SYCE1: variants seen among roughly 807,000 people sequenced by gnomAD.
SYCE1 encodes the protein synaptonemal complex central element protein 1.
Under a neutral mutation model 55.1 loss-of-function variants are expected in SYCE1, and 37 were observed. The observed-to-expected ratio is 0.67, with a 90% CI of 0.52 to 0.88. SYCE1 has a LOEUF of 0.88. Among genes scored for constraint, SYCE1 ranks in the 40% least tolerant of loss-of-function variants. The pLI is 0.00. For synonymous variants in SYCE1, 163 were observed against 159.4 expected, an observed-to-expected ratio of 1.02 and a Z score of -0.17; for missense variants, 399 against 416.4, an observed-to-expected ratio of 0.96 and a Z score of 0.36.
intron 12 of SYCE1, 36 bp downstream of exon 12, chr10:133,555,315 T>C (rs1383856237): frequency 6.2e-7 from 1 of 1,612,060 alleles, no homozygotes. Flanking sequence ...CTTCAGTAGC[T>C]GTTTCTGTTC....
intron 2 of SYCE1, 58 bp from the exon 3 acceptor site, chr10:133,559,418 G>A (rs1173450379): frequency 2.6e-6 from 4 of 1,537,414 alleles, no homozygotes; most frequent in Non-Finnish European, 3.6e-6. Context: ...GCGGTTGCCA[G>A]CCTTGTGTCT....
Position 133,558,193 on chromosome 10 carries a change from A to C in SYCE1, c.293T>G (p.Leu98Arg). 1 of 1,614,202 alleles carries C rather than the reference A, an allele frequency of 6.2e-7. No individual in the cohort carries two copies. The highest frequency in any genetic ancestry group is 1.6e-4 in the Middle Eastern group (1 of 6,062). ...TTGTTTTTTGCTCAAGATCTCCTTC[A>C]GGTGTACTTTCTCTCCATGCACTAG... ...LDSLHGEKVH[L>R]KEILSKKQET... Residue 98 changes from leucine to arginine, a missense_variant, in exon 5 of 13, where the codon CTG becomes CGG. Leu to Arg is a moderately radical substitution (Grantham distance 102, BLOSUM62 -2). Transcript: ENST00000343131.
intron 1 of SYCE1, among the ~76,000 whole-genome samples, chr10:133,562,995 T>C (rs1021024487): frequency 2.6e-5 from 4 of 152,192 alleles, no homozygotes; most frequent in African/African-American, 9.6e-5. Flanking sequence ...CGAGGCACGG[T>C]TGAGAAGGCT....
At chr10:133,567,982 C>A (rs1463310203), upstream of SYCE1, 2 of 590,470 alleles carry the variant, frequency 3.4e-6, no homozygotes, top group Non-Finnish European at 6.4e-6. Flanking sequence ...GCTCCTGCAC[C>A]CACTGGGGCT....
At chr10:133,565,770 G>A (rs1370857473), upstream of SYCE1, among the ~76,000 whole-genome samples, 1 of 152,274 alleles carries the variant, frequency 6.6e-6, no homozygotes, top group Middle Eastern at 3.2e-3. Context: ...CCAGGCTTGC[G>A]ATTGGCCCGC....
In SYCE1 at chr10:133,557,072, C is replaced by A. The variant is rs1217044039; in HGVS notation, c.459G>T (p.Gln153His). 3.4e-5 allele frequency: 55 copies of A among 1,613,926 alleles called. No individual in the cohort carries two copies. The highest frequency in any genetic ancestry group is 4.4e-5 in the Non-Finnish European group (52 of 1,179,930). ...CCTCAGATGCTAAGGTTTACCTCAG[C>A]TGTCTCTGTTTGTTCTTCTCTTCTT... ...QIEEEKNKQR[Q>H]LRLAFEEQLE... Residue 153 changes from glutamine to histidine, a missense_variant, in exon 7 of 13, where the codon CAG becomes CAT. Physicochemically the swap from Gln to His is conservative, Grantham distance 24. Coordinates refer to ENST00000343131, the MANE Select transcript of SYCE1 (RefSeq NM_001143764.3).
At chr10:133,559,781 C>A in intron 2 of SYCE1, 1 of 430,742 alleles carries the variant, frequency 2.3e-6, no homozygotes, top group South Asian at 2.5e-5. Context: ...GAGGGAGTAG[C>A]GGGTGAGGGG....
intron 6 of SYCE1, chr10:133,557,552 T>C (rs1277780830): frequency 5.1e-5 from 26 of 506,452 alleles, no homozygotes; most frequent in Non-Finnish European, 8.5e-5. Context: ...AATGGTTGGC[T>C]CAATGCCTAA....
Position 133,554,949 on chromosome 10 carries a change from T to C in SYCE1, c.*43A>G. The stretch of plus-strand genomic sequence containing the variant: ...TCAATCAGTCACAGGAGACTGGGGA[T>C]CTTGGGCCTGACCCCTACTCCTCAC... On this transcript the variant is annotated 3_prime_UTR_variant, in exon 13 of 13. Transcript: ENST00000343131. 6.7e-7 allele frequency: 1 copy of C among 1,495,696 alleles called. No homozygotes were observed. The highest frequency in any genetic ancestry group is 8.9e-7 in the Non-Finnish European group (1 of 1,121,796). 92.7% of individuals were successfully genotyped at this position (1,495,696 alleles called of 1,614,324 possible). A position where few individuals can be genotyped will look rare whatever the true frequency, so the allele number is the denominator to read the frequency against.
chr10:133,558,944 C>T lies in SYCE1; in HGVS notation c.204G>A (p.Lys68=). 1 of 1,610,682 alleles carries T rather than the reference C, an allele frequency of 6.2e-7. No individual in the cohort carries two copies. The highest frequency in any genetic ancestry group is 8.5e-7 in the Non-Finnish European group (1 of 1,179,270). Residue 68 remains lysine (K), a synonymous_variant, in exon 4 of 13, where the codon AAG becomes AAA. Transcript: ENST00000343131. The part of the protein sequence containing the change: ...NRINEVQQAK[K]KANKDLGEAR... ...CCTCTCCTAGGTCTTTATTGGCTTTCTTTTTTGCTTCACCAAAGAGCAGAA... is the reference window on the plus strand; with the variant it reads ...CCTCTCCTAGGTCTTTATTGGCTTTTTTTTTTGCTTCACCAAAGAGCAGAA...
rs1368771478 is a variant in SYCE1, at chr10:133,555,063, TG to T, written c.984del (p.Ile329Ter). The T allele has an allele frequency of 6.4e-7, 1 of 1,551,530 alleles. No individual in the cohort carries two copies. Among genetic ancestry groups the T allele is most frequent in the African/African-American group, 1.4e-5 (1 of 73,162 alleles). On this transcript the variant is annotated frameshift_variant, in exon 13 of 13. Coordinates refer to ENST00000343131, the MANE Select transcript of SYCE1 (RefSeq NM_001143764.3). LOFTEE classifies it low-confidence loss of function (END_TRUNC). ...GGGTGGAGTGTGTCCTCCTGGCCTA[TG>T]AGGACATCAGGCCCTGCTTGGTGTG... Reference protein sequence around the residue: ...GAAHQAGPDVLIGQEDTLHPD... With the variant: ...GAAHQAGPDVXIGQEDTLHPD...
chr10:133,554,248 C>A, downstream of SYCE1: 2 of 1,599,430 alleles, frequency 1.3e-6, no homozygotes, highest in Non-Finnish European at 1.7e-6. Flanking sequence ...TGCCATGTTC[C>A]ATTTTTCCAT....
chr10:133,555,752 TCCCA>T (rs758261551), intron 10 of SYCE1, 24 bp downstream of exon 10: 3 of 1,610,066 alleles, frequency 1.9e-6, no homozygotes, highest in Non-Finnish European at 2.5e-6. Context: ...CACTCCCTCC[TCCCA>T]CCCTCTTCCC....
intron 1 of SYCE1, chr10:133,560,825 A>G (rs958495438): frequency 1.3e-5 from 2 of 152,190 alleles, no homozygotes; most frequent in Non-Finnish European, 2.9e-5. Context: ...CACTGAGATA[A>G]ATGCATATCT....
At chr10:133,558,141 C>T (rs751993409) in intron 5 of SYCE1, 26 bp downstream of exon 5, 2 of 1,614,052 alleles carry the variant, frequency 1.2e-6, no homozygotes, top group Admixed American at 3.3e-5. Context: ...AAGGCACAAG[C>T]CTGGAGACAG....
chr10:133,567,346 G>T (rs1851968704), upstream of SYCE1, among the ~76,000 whole-genome samples: 1 of 151,396 alleles, frequency 6.6e-6, no homozygotes, highest in South Asian at 2.1e-4. Context: ...TGCTTGAGGT[G>T]GGGGTTAGGT....
At chr10:133,557,828 G>A (rs767197160) in intron 6 of SYCE1, 36 bp downstream of exon 6, 2 of 1,610,764 alleles carry the variant, frequency 1.2e-6, no homozygotes, top group South Asian at 2.2e-5. Context: ...AGAATAAAGA[G>A]GTAGTGCAGA....
chr10:133,556,384 C>A, intron 8 of SYCE1: 1 of 533,772 alleles, frequency 1.9e-6, no homozygotes, highest in Non-Finnish European at 3.4e-6. Context: ...CCCCTCTGTC[C>A]TGGTGTGACC....
upstream of SYCE1, chr10:133,565,701 C>A (rs1749568099): frequency 3.3e-6 from 2 of 611,790 alleles, no homozygotes; most frequent in Non-Finnish European, 5.4e-6. Context: ...AGTGCGCATG[C>A]GTAAAGGCGC....
Sources: gnomAD v4.1 joint callset for allele counts (sites outside exome capture counted in the v4.1 genomes callset) on GRCh38, gnomAD v4.1.1 for gene constraint, MANE v1.5 for transcripts, NCBI Gene and HGNC (gene_info 2026-07-23, HGNC 2026-07-21) for gene names.